The following GALNT17 variants were observed in gnomAD, a reference collection of about 807,000 sequenced individuals.
GALNT17 encodes UDP-GalNAc:polypeptide N-acetylgalactosaminyltransferase-like 3.
GALNT17 carries 29 observed loss-of-function variants against 63.7 expected under a neutral mutation model. That is an observed-to-expected ratio of 0.46 (90% confidence interval 0.34 to 0.62). The LOEUF is 0.62. Among genes scored for constraint, GALNT17 ranks in the 20% least tolerant of loss-of-function variants. The pLI, the probability that GALNT17 is intolerant of heterozygous loss-of-function variation, is 0.01. For missense variants in GALNT17, 603 were observed against 799.6 expected (o/e 0.75, Z 2.97); for synonymous variants, 305 against 318.3 (o/e 0.96, Z 0.45).
rs6957446 is a variant in GALNT17, at chr7:71,132,689, T to C, written c.-114T>C. On this transcript the variant is annotated 5_prime_UTR_variant, in exon 1 of 11. Transcript: ENST00000333538. ...TCCTTGAGGTGGGACGAGCAGGGGC[T>C]TGGATCCCTGCCGGCCGTCTGGTGT... 0.47 allele frequency: 405,732 copies of C among 867,392 alleles called. 97,667 individuals are homozygous for C. The highest frequency in any genetic ancestry group is 0.49 in the South Asian group (26,972 of 54,560). The allele number at this position is 867,392 out of a possible 1,614,324, so 53.7% of individuals were successfully genotyped here.
intron 5 of GALNT17, among the ~76,000 whole-genome samples, chr7:71,473,272 T>C (rs533001369): frequency 1.3e-5 from 2 of 152,200 alleles, no homozygotes; most frequent in Non-Finnish European, 2.9e-5. Context: ...TCAGAGAGAA[T>C]AGATGTTAAA....
intron 2 of GALNT17, among the ~76,000 whole-genome samples, chr7:71,378,774 A>T (rs1792790161): frequency 6.6e-6 from 1 of 152,012 alleles, no homozygotes; most frequent in East Asian, 1.9e-4. Flanking sequence ...GCTTGAGGTC[A>T]GGAGTTGGAG....
chr7:71,149,745 G>C (rs780038676), intron 1 of GALNT17, among the ~76,000 whole-genome samples: 7 of 152,186 alleles, frequency 4.6e-5, no homozygotes, highest in Non-Finnish European at 1.0e-4. Flanking sequence ...ATGCTGACAA[G>C]TGCACGTTGT....
At chr7:71,268,497 GCCATGGTAGCA>G (rs1583815252) in intron 1 of GALNT17, among the ~76,000 whole-genome samples, 1 of 151,562 alleles carries the variant, frequency 6.6e-6, no homozygotes, top group African/African-American at 2.4e-5. Context: ...GTTGCAGTGA[GCCATGGTAGCA>G]CCACTGCACT....
intron 2 of GALNT17, among the ~76,000 whole-genome samples, chr7:71,336,265 G>A (rs1020612193): frequency 1.3e-5 from 2 of 152,006 alleles, no homozygotes; most frequent in African/African-American, 4.8e-5. Flanking sequence ...GGCTGATCTC[G>A]AACTCCTGAC....
intron 6 of GALNT17, among the ~76,000 whole-genome samples, chr7:71,586,092 A>G (rs147142254): frequency 2.4e-4 from 36 of 152,022 alleles, no homozygotes; most frequent in Non-Finnish European, 4.4e-4. Flanking sequence ...ATTTTAGTGT[A>G]GACGAGGTGT....
At chr7:71,229,173 T>C (rs1789739125) in intron 1 of GALNT17, among the ~76,000 whole-genome samples, 1 of 152,332 alleles carries the variant, frequency 6.6e-6, no homozygotes, top group South Asian at 2.1e-4. Flanking sequence ...AGCCATTTTA[T>C]GATCATGGGT....
At chr7:71,533,968 G>T (rs530519077) in intron 5 of GALNT17, among the ~76,000 whole-genome samples, 1 of 152,268 alleles carries the variant, frequency 6.6e-6, no homozygotes, top group Admixed American at 6.5e-5. Flanking sequence ...CAGGAATTCG[G>T]AGTAAGGAAT....
At chr7:71,181,116 G>A (rs1264106652) in intron 1 of GALNT17, among the ~76,000 whole-genome samples, 2 of 151,910 alleles carry the variant, frequency 1.3e-5, no homozygotes, top group East Asian at 1.9e-4. Flanking sequence ...TTAACCGAGT[G>A]TGGTGGTGGA....
At chr7:71,651,582 C>T (rs186128714) in intron 6 of GALNT17, among the ~76,000 whole-genome samples, 10 of 152,292 alleles carry the variant, frequency 6.6e-5, no homozygotes, top group Admixed American at 5.2e-4. Flanking sequence ...GGATTATAGG[C>T]GTGAGCCACT....
chr7:71,356,794 A>T (rs10229542), intron 2 of GALNT17, among the ~76,000 whole-genome samples: 53,824 of 151,792 alleles, frequency 0.35, 10,790 homozygotes, highest in East Asian at 0.56. Context: ...ATATATATAT[A>T]TTTTTTAGAT....
rs887405941 is a variant in GALNT17, at chr7:71,191,824, A to G, written c.238+58784A>G. On this transcript the variant is annotated intron_variant, in intron 1 of 10. Transcript: ENST00000333538. ...GGAATTACTATGTCATAGGATATGT[A>G]TTACTCAGGGTTCTCTAGAGGGACA... Among the ~76,000 whole-genome samples, 6 of 152,266 alleles carry G rather than the reference A, an allele frequency of 3.9e-5. No individual in the cohort carries two copies. The South Asian group carries it at 6.2e-4, about 16-fold the overall frequency.
intron 2 of GALNT17, among the ~76,000 whole-genome samples, chr7:71,374,659 A>G (rs1583900255): frequency 6.6e-6 from 1 of 152,162 alleles, no homozygotes; most frequent in South Asian, 2.1e-4. Context: ...GGATTGGGCT[A>G]TGAATGCATT....
intron 5 of GALNT17, among the ~76,000 whole-genome samples, chr7:71,525,449 G>A (rs1210578983): frequency 6.6e-6 from 1 of 151,982 alleles, no homozygotes; most frequent in Non-Finnish European, 1.5e-5. Context: ...CTCATGATCT[G>A]CCCTCCTCGG....
intron 6 of GALNT17, among the ~76,000 whole-genome samples, chr7:71,574,212 A>G (rs894735961): frequency 1.3e-5 from 2 of 152,158 alleles, no homozygotes; most frequent in African/African-American, 4.8e-5. Flanking sequence ...TGGTAATTCT[A>G]TTTTAAGTTC....
At chr7:71,295,412 C>G (rs1791059425) in intron 1 of GALNT17, among the ~76,000 whole-genome samples, 1 of 151,812 alleles carries the variant, frequency 6.6e-6, no homozygotes. Flanking sequence ...GCCTTTCTCC[C>G]TTCTCTTCCC....
At chr7:71,137,654 C>G (rs1157886474) in intron 1 of GALNT17, among the ~76,000 whole-genome samples, 2 of 152,084 alleles carry the variant, frequency 1.3e-5, no homozygotes, top group Non-Finnish European at 1.5e-5. Context: ...GCTAGAGAGA[C>G]AGTGTGAGGA....
At chr7:71,496,369 A>T (rs1788093967) in intron 5 of GALNT17, among the ~76,000 whole-genome samples, 1 of 151,952 alleles carries the variant, frequency 6.6e-6, no homozygotes, top group African/African-American at 2.4e-5. Flanking sequence ...GTGGGGAGAC[A>T]TCTTTAGCAT....
chr7:71,632,048 C>A (rs1385541958), intron 6 of GALNT17, among the ~76,000 whole-genome samples: 1 of 151,164 alleles, frequency 6.6e-6, no homozygotes, highest in African/African-American at 2.4e-5. Context: ...GCATCCAGCC[C>A]TTTAAAGAAG....
Sources: allele counts gnomAD v4.1 joint callset (sites outside exome capture counted in the v4.1 genomes callset), GRCh38; gene constraint gnomAD v4.1.1; transcripts MANE v1.5; gene names NCBI Gene and HGNC (gene_info 2026-07-23, HGNC 2026-07-21).